ALCAM: variants seen among roughly 807,000 people sequenced by gnomAD.
The protein encoded by ALCAM is CD166 antigen.
ALCAM carries 30 observed loss-of-function variants against 70.9 expected under a neutral mutation model. The observed-to-expected ratio is 0.42, with a 90% CI of 0.32 to 0.57. The LOEUF (loss-of-function observed/expected upper bound fraction) is 0.57, where lower values mean the gene tolerates loss of function less well. Among genes scored for constraint, ALCAM ranks in the 20% least tolerant of loss-of-function variants. The pLI is 0.11. For missense variants in ALCAM, 591 were observed against 695.1 expected, an observed-to-expected ratio of 0.85 and a Z score of 1.68; for synonymous variants, 249 against 242.5, an observed-to-expected ratio of 1.03 and a Z score of -0.25.
intron 1 of ALCAM, among the ~76,000 whole-genome samples, chr3:105,442,675 G>A (rs1448216918): frequency 2.0e-5 from 3 of 151,956 alleles, no homozygotes; most frequent in Non-Finnish European, 2.9e-5. Context: ...CAGCTACTCG[G>A]GAGGCTGAGG....
intron 2 of ALCAM, among the ~76,000 whole-genome samples, chr3:105,522,766 G>A (rs1345808918): frequency 6.6e-6 from 1 of 152,172 alleles, no homozygotes; most frequent in African/African-American, 2.4e-5. Flanking sequence ...CAACCTCCAT[G>A]GTCTAGTCTG....
chr3:105,488,342 A>G (rs574573650), intron 1 of ALCAM, among the ~76,000 whole-genome samples: 1 of 152,266 alleles, frequency 6.6e-6, no homozygotes, highest in Non-Finnish European at 1.5e-5. Context: ...AAAGAGCTTG[A>G]ACAGGATGCC....
intron 1 of ALCAM, among the ~76,000 whole-genome samples, chr3:105,518,347 A>G (rs1222414030): frequency 6.6e-6 from 1 of 152,136 alleles, no homozygotes; most frequent in East Asian, 1.9e-4. Context: ...CTGATGAAAA[A>G]ACAAAATATG....
intron 3 of ALCAM, among the ~76,000 whole-genome samples, chr3:105,527,732 A>C (rs1470455048): frequency 2.0e-5 from 3 of 152,088 alleles, no homozygotes. Flanking sequence ...TCTGTGGTAC[A>C]TATGGACCAG....
rs1210781717 is a variant in ALCAM at position 105,379,577 on chromosome 3, G to A, written c.73+12096G>A. Among the ~76,000 whole-genome samples the A allele has an allele frequency of 2.6e-5, 4 of 151,660 alleles. No individual in the cohort carries two copies. In the East Asian group the frequency reaches 7.7e-4, roughly 29 times the overall value. ...ATTATTATATGTGTTTCTGTAATTT[G>A]AAAATATTAGAACTTAGAAAGAAAA... is the stretch of plus-strand genomic sequence containing the variant. On this transcript the variant is annotated intron_variant, in intron 1 of 15. Coordinates refer to ENST00000306107, the MANE Select transcript of ALCAM (RefSeq NM_001627.4).
intron 6 of ALCAM, among the ~76,000 whole-genome samples, chr3:105,538,715 T>G (rs1486532964): frequency 3.3e-5 from 5 of 152,052 alleles, no homozygotes; most frequent in African/African-American, 1.2e-4. Flanking sequence ...AAACGGAAGG[T>G]CAGCAGGGCA....
At chr3:105,376,121 C>G (rs1225356736) in intron 1 of ALCAM, among the ~76,000 whole-genome samples, 3 of 150,626 alleles carry the variant, frequency 2.0e-5, no homozygotes, top group Admixed American at 1.3e-4. Context: ...AAGACAGAGA[C>G]AGAGAGAGAG....
intron 1 of ALCAM, among the ~76,000 whole-genome samples, chr3:105,425,135 A>C (rs1424122982): frequency 6.6e-6 from 1 of 151,878 alleles, no homozygotes; most frequent in Non-Finnish European, 1.5e-5. Flanking sequence ...CAGAGTTATC[A>C]GTTGTAAAAT....
intron 1 of ALCAM, among the ~76,000 whole-genome samples, chr3:105,482,106 C>T (rs1021549137): frequency 1.3e-5 from 2 of 151,742 alleles, no homozygotes; most frequent in African/African-American, 2.4e-5. Flanking sequence ...AATATTAATT[C>T]GTATTTTATT....
intron 1 of ALCAM, among the ~76,000 whole-genome samples, chr3:105,518,902 A>G (rs2152622330): frequency 6.6e-6 from 1 of 152,178 alleles, no homozygotes. Context: ...AAATTTTGGT[A>G]TACATGGTGA....
chr3:105,540,199 G>A (rs992438568), intron 7 of ALCAM, 97 bp downstream of exon 7: 2 of 1,267,266 alleles, frequency 1.6e-6, no homozygotes, highest in African/African-American at 1.5e-5. Flanking sequence ...TGTTATTGCT[G>A]GAGACAAGAG....
intron 14 of ALCAM, chr3:105,552,811 A>T: frequency 7.5e-7 from 1 of 1,330,556 alleles, no homozygotes; most frequent in Non-Finnish European, 9.6e-7. Context: ...TATTTGTCTC[A>T]ATCAATAGCC....
At chr3:105,448,886 G>A (rs1937357358) in intron 1 of ALCAM, among the ~76,000 whole-genome samples, 1 of 152,160 alleles carries the variant, frequency 6.6e-6, no homozygotes, top group Admixed American at 6.5e-5. Flanking sequence ...ACTGGATTCT[G>A]CCCGGGTGTC....
intron 1 of ALCAM, among the ~76,000 whole-genome samples, chr3:105,484,810 T>G (rs1035541274): frequency 1.3e-5 from 2 of 152,058 alleles, no homozygotes; most frequent in African/African-American, 4.8e-5. Flanking sequence ...CATGGACATG[T>G]GCCACCAGAA....
chr3:105,516,792 T>C (rs1177123829), intron 1 of ALCAM, among the ~76,000 whole-genome samples: 11 of 152,136 alleles, frequency 7.2e-5, no homozygotes. Flanking sequence ...AACACACTTA[T>C]ACATTCCCAC....
At chr3:105,384,075 A>C (rs1174140973) in intron 1 of ALCAM, among the ~76,000 whole-genome samples, 2 of 151,692 alleles carry the variant, frequency 1.3e-5, no homozygotes, top group African/African-American at 4.8e-5. Flanking sequence ...TGCTTTTGAG[A>C]GTAAAATATT....
At chr3:105,472,168 G>A (rs1044637740) in intron 1 of ALCAM, among the ~76,000 whole-genome samples, 2 of 151,214 alleles carry the variant, frequency 1.3e-5, no homozygotes, top group Admixed American at 1.3e-4. Flanking sequence ...CCCTCATGTA[G>A]GCCTAGTTTT....
At chr3:105,476,034 C>A (rs1190988238) in intron 1 of ALCAM, among the ~76,000 whole-genome samples, 2 of 151,930 alleles carry the variant, frequency 1.3e-5, no homozygotes, top group African/African-American at 2.4e-5. Flanking sequence ...TTCAGCCCTC[C>A]ACGAAAATGA....
chr3:105,503,720 A>G (rs1347516581), intron 1 of ALCAM, among the ~76,000 whole-genome samples: 3 of 152,154 alleles, frequency 2.0e-5, no homozygotes, highest in Admixed American at 6.5e-5. Context: ...AAGGCTTTCA[A>G]AGTATCACCC....
Sources: gnomAD v4.1 joint callset for allele counts (sites outside exome capture counted in the v4.1 genomes callset) on GRCh38, gnomAD v4.1.1 for gene constraint, MANE v1.5 for transcripts, NCBI Gene and HGNC (gene_info 2026-07-23, HGNC 2026-07-21) for gene names.